Variants in ARRB2 observed in about 807,000 individuals in gnomAD.
ARRB2 encodes arrestin beta 2.
Under a neutral mutation model 53.4 loss-of-function variants are expected in ARRB2, and 21 were observed. That is an observed-to-expected ratio of 0.39 (90% CI 0.28 to 0.57). The LOEUF (loss-of-function observed/expected upper bound fraction) is 0.57. ARRB2 is among the 20% of genes least tolerant of loss of function. The pLI is 0.55. For missense variants in ARRB2, 369 were observed against 527.5 expected, an observed-to-expected ratio of 0.70 and a Z score of 2.94; for synonymous variants, 180 against 212.9, an observed-to-expected ratio of 0.85 and a Z score of 1.34.
Position 4,710,736 on chromosome 17 carries a change from C to T in ARRB2, c.15C>T (p.Pro5=), listed in dbSNP as rs1015285287. 2.7e-6 allele frequency: 1 copy of T among 368,794 alleles called. No homozygotes were observed. Among genetic ancestry groups the T allele is most frequent in the East Asian group, 3.9e-5 (1 of 25,962 alleles). The allele number at this position is 368,794 out of a possible 1,614,324, so 22.8% of individuals were successfully genotyped here. ...GCGCGCGCACCATGGGGGAGAAACC[C>T]GGGACCAGGTAAGGGAGGTGGGGCC... is the stretch of plus-strand genomic sequence containing the variant. The part of the protein sequence containing the change: MGEK[P]GTRVFKKSSP... The change falls in exon 1 of 15, where the codon CCC becomes CCT. Residue 5 remains proline, a synonymous_variant. Transcript: ENST00000269260.
At chr17:4,716,898 A>C (rs1915126245) in intron 5 of ARRB2, 2 of 621,880 alleles carry the variant, frequency 3.2e-6, no homozygotes, top group Non-Finnish European at 5.5e-6. Context: ...GCAGTGGCAC[A>C]ATCTTGGTTC....
At position 4,720,213 on chromosome 17, in the gene ARRB2, C is replaced by T; in HGVS notation, c.918-3C>T. 1 of 1,610,784 alleles carries T rather than the reference C, an allele frequency of 6.2e-7. No individual in the cohort carries two copies. The highest frequency in any genetic ancestry group is 8.5e-7 in the Non-Finnish European group (1 of 1,178,448). ...GGTCTGACTCCAACACCCTCAATTG[C>T]AGCGTGAAGGAGGGTGCCAACAAGG... On this transcript the variant is annotated splice_region_variant and splice_polypyrimidine_tract_variant and intron_variant, in intron 11 of 14. Coordinates refer to ENST00000269260, the MANE Select transcript of ARRB2 (RefSeq NM_004313.4).
rs1374704567 is a variant in ARRB2, at chr17:4,710,704, G to C, written c.-18G>C. 2.5e-5 allele frequency: 10 copies of C among 398,804 alleles called. No homozygotes were observed. The highest frequency in any genetic ancestry group is 3.1e-5 in the Non-Finnish European group (7 of 226,208). The allele number at this position is 398,804 out of a possible 1,614,324, so 24.7% of individuals were successfully genotyped here. The stretch of plus-strand genomic sequence containing the variant: ...TGCGAGCGAGCCGCGAACCGAGCGG[G>C]CGGCGGGCGCGCGCACCATGGGGGA... On this transcript the variant is annotated 5_prime_UTR_variant, in exon 1 of 15. Transcript: ENST00000269260.
At chr17:4,716,313 G>A (rs1915024412) in intron 4 of ARRB2, 99 bp from the exon 5 acceptor site, 6 of 1,610,276 alleles carry the variant, frequency 3.7e-6, no homozygotes, top group Non-Finnish European at 5.1e-6. Flanking sequence ...GTAGGGTTCA[G>A]GCAAGTCTTA....
At chr17:4,710,893 C>G (rs1914322658) in intron 1 of ARRB2, 149 bp downstream of exon 1, 1 of 394,994 alleles carries the variant, frequency 2.5e-6, no homozygotes, top group Admixed American at 4.4e-5. Context: ...CGCGCAGGTC[C>G]TCGAGGATAA....
At chr17:4,715,712 CACACACACACACAA>C (rs796877172) in intron 2 of ARRB2, 134 of 460,964 alleles carry the variant, frequency 2.9e-4, no homozygotes, top group African/African-American at 2.1e-3. Context: ...CACACACACA[CACACACACACACAA>C]ACACACACAC....
intron 4 of ARRB2, 58 bp from the exon 5 acceptor site, chr17:4,716,354 G>A (rs1019319001): frequency 4.3e-5 from 69 of 1,613,750 alleles, no homozygotes; most frequent in Non-Finnish European, 5.4e-5. Context: ...CGGCTGCTAG[G>A]TGCCAGGGGA....
intron 2 of ARRB2, 80 bp downstream of exon 2, chr17:4,715,123 C>T: frequency 6.6e-7 from 1 of 1,507,620 alleles, no homozygotes; most frequent in Non-Finnish European, 9.0e-7. Flanking sequence ...GATCCCCAAC[C>T]TACCCAAAGA....
chr17:4,716,298 CAGG>C lies in ARRB2; in HGVS notation c.160+110_161-109del, dbSNP rs1283423328. The C allele has an allele frequency of 1.2e-5, 19 of 1,607,638 alleles. No homozygotes were observed. The Middle Eastern group carries it at 6.9e-4, about 59-fold the overall frequency. On this transcript the variant is annotated intron_variant, in intron 4 of 14. Transcript: ENST00000269260. Reference sequence around the variant, plus strand: ...AGAGATGGAGGCTGGAGGTGGAAGCCAGGAGTAGGGTTCAGGCAAGTCTTATGC... The same window carrying C: ...AGAGATGGAGGCTGGAGGTGGAAGCCAGTAGGGTTCAGGCAAGTCTTATGC...
chr17:4,715,568 G>C (rs941320549), intron 2 of ARRB2: 4 of 220,308 alleles, frequency 1.8e-5, no homozygotes, highest in South Asian at 4.9e-5. Flanking sequence ...CACACACACG[G>C]ACACACACAC....
intron 2 of ARRB2, 72 bp from the exon 3 acceptor site, chr17:4,715,901 G>C (rs1391319138): frequency 6.4e-7 from 1 of 1,571,068 alleles, no homozygotes; most frequent in East Asian, 2.2e-5. Context: ...GGGCAGGGCA[G>C]CCAGTTTTGA....
rs1294830791 is a variant in ARRB2 at position 4,717,543 on chromosome 17, A to C, written c.418-142A>C. On this transcript the variant is annotated intron_variant, in intron 6 of 14. Transcript: ENST00000269260. This position sits in a 1 kb window ranked among gnomAD's most constrained non-coding sequence, Gnocchi z 6.0. ...CTCTGCCAGGTTCTGGGCTTTGGAGAGGAAGAAGACTTAGTCCCCAGGGTC... is the reference window on the plus strand; with the variant it reads ...CTCTGCCAGGTTCTGGGCTTTGGAGCGGAAGAAGACTTAGTCCCCAGGGTC... 6.6e-5 allele frequency: 76 copies of C among 1,156,226 alleles called. No individual in the cohort carries two copies. The South Asian group carries it at 8.0e-4, about 12-fold the overall frequency. The allele number at this position is 1,156,226 out of a possible 1,614,324, so 71.6% of individuals were successfully genotyped here.
Position 4,721,452 on chromosome 17 carries a change from T to A in ARRB2, c.*413T>A, listed in dbSNP as rs200380007. 4.0e-5 allele frequency: 16 copies of A among 398,114 alleles called. No homozygotes were observed. The East Asian group carries it at 5.8e-4, about 14-fold the overall frequency. 24.7% of individuals were successfully genotyped at this position (398,114 alleles called of 1,614,324 possible). Reference sequence around the variant, plus strand: ...GAGACCCTTTGGGGACAAGGCCGTTTCTTTGTTTCTGAGCATAAAGAAGAA... The same window carrying A: ...GAGACCCTTTGGGGACAAGGCCGTTACTTTGTTTCTGAGCATAAAGAAGAA... On this transcript the variant is annotated 3_prime_UTR_variant, in exon 15 of 15. Transcript: ENST00000269260. This position sits in a 1 kb window ranked among gnomAD's most constrained non-coding sequence, Gnocchi z 4.2.
chr17:4,718,177 A>T, intron 8 of ARRB2, 84 bp from the exon 9 acceptor site: 1 of 1,544,244 alleles, frequency 6.5e-7, no homozygotes, highest in Non-Finnish European at 8.8e-7. Context: ...GGGGGCCAGA[A>T]CAATGTGTCT....
rs534696369 is a variant in ARRB2 at position 4,721,196 on chromosome 17, C to T, written c.*157C>T. 8.6e-6 allele frequency: 6 copies of T among 695,970 alleles called. No individual in the cohort carries two copies. The highest frequency in any genetic ancestry group is 5.6e-5 in the Admixed American group (2 of 35,626). The allele number at this position is 695,970 out of a possible 1,614,324, so 43.1% of individuals were successfully genotyped here. A position where few individuals can be genotyped will look rare whatever the true frequency, so the allele number is the denominator to read the frequency against. ...CCTTCACACTCTCTCCCCCATCCCCCCAAGATACACACTGGACCCTCTCTT... is the reference window on the plus strand; with the variant it reads ...CCTTCACACTCTCTCCCCCATCCCCTCAAGATACACACTGGACCCTCTCTT... On this transcript the variant is annotated 3_prime_UTR_variant, in exon 15 of 15. Transcript: ENST00000269260. This position sits in a 1 kb window ranked among gnomAD's most constrained non-coding sequence, Gnocchi z 4.2.
chr17:4,714,254 C>T (rs1379607997), intron 1 of ARRB2, among the ~76,000 whole-genome samples: 1 of 152,200 alleles, frequency 6.6e-6, no homozygotes, highest in Non-Finnish European at 1.5e-5. Context: ...AAGGCTGGGC[C>T]TTAAAAGACA....
chr17:4,717,884 C>T lies in ARRB2; in HGVS notation c.486-4C>T, dbSNP rs1344982349. The T allele has an allele frequency of 1.1e-5, 18 of 1,613,946 alleles. No homozygotes were observed. The highest frequency in any genetic ancestry group is 1.3e-5 in the African/African-American group (1 of 74,914). ...GACCCCTCCTGCCCCTACTCTGATCCCAGGAACTCTGTGCGGCTGGTGATC... is the reference window on the plus strand; with the variant it reads ...GACCCCTCCTGCCCCTACTCTGATCTCAGGAACTCTGTGCGGCTGGTGATC... On this transcript the variant is annotated splice_polypyrimidine_tract_variant and splice_region_variant and intron_variant, in intron 7 of 14. Coordinates refer to ENST00000269260, the MANE Select transcript of ARRB2 (RefSeq NM_004313.4). The surrounding 1 kb of genome is among the most constrained non-coding windows in gnomAD (Gnocchi z 6.0).
At position 4,718,526 on chromosome 17, in the gene ARRB2, G is replaced by A. The variant is rs1317954647; in HGVS notation, c.707-86G>A. Reference sequence around the variant, plus strand: ...TTTACTGCTTCAGTGGGGAGCATGGGGGGGCCACGCCACGGGGTCTGGAGT... The same window carrying A: ...TTTACTGCTTCAGTGGGGAGCATGGAGGGGCCACGCCACGGGGTCTGGAGT... On this transcript the variant is annotated intron_variant, in intron 9 of 14. Coordinates refer to ENST00000269260, the MANE Select transcript of ARRB2 (RefSeq NM_004313.4). 9 of 1,416,078 alleles carry A rather than the reference G, an allele frequency of 6.4e-6. No individual in the cohort carries two copies. The Admixed American group carries it at 1.2e-4, about 19-fold the overall frequency. The allele number at this position is 1,416,078 out of a possible 1,614,324, so 87.7% of individuals were successfully genotyped here.
In ARRB2 at chr17:4,716,045, C is replaced by T. The variant is rs1032419293; in HGVS notation, c.115+12C>T. ...AGTGGACCCTGTAGGTAAGTTTTCCCAGAAAGGGACAGCTCGTTCCCCAAG... is the reference window on the plus strand; with the variant it reads ...AGTGGACCCTGTAGGTAAGTTTTCCTAGAAAGGGACAGCTCGTTCCCCAAG... On this transcript the variant is annotated intron_variant, in intron 3 of 14. Coordinates refer to ENST00000269260, the MANE Select transcript of ARRB2 (RefSeq NM_004313.4). The T allele has an allele frequency of 6.8e-6, 11 of 1,614,176 alleles. No homozygotes were observed. Among genetic ancestry groups the T allele is most frequent in the Non-Finnish European group, 8.5e-6 (10 of 1,180,008 alleles).
Sources: allele counts gnomAD v4.1 joint callset (sites outside exome capture counted in the v4.1 genomes callset), GRCh38; gene constraint gnomAD v4.1.1; non-coding constraint Gnocchi (gnomAD v3.1); transcripts MANE v1.5; gene names NCBI Gene and HGNC (gene_info 2026-07-23, HGNC 2026-07-21).